Variants in ERP27 observed in about 807,000 individuals in gnomAD.
The protein encoded by ERP27 is endoplasmic reticulum resident protein 27.
Under a neutral mutation model 27.7 loss-of-function variants are expected in ERP27, and 23 were observed. The ratio of observed to expected loss-of-function variants is 0.83; its 90% CI spans 0.60 to 1.18. The LOEUF (loss-of-function observed/expected upper bound fraction) is 1.18. ERP27 is among the 50% of genes most tolerant of loss of function. The pLI is 0.00. For missense variants in ERP27, 363 were observed against 327.9 expected (o/e 1.11, Z -0.83); for synonymous variants, 159 against 118.3 (o/e 1.34, Z -2.23).
intron 4 of ERP27, among the ~76,000 whole-genome samples, chr12:14,919,384 C>T (rs564752284): frequency 6.6e-6 from 1 of 152,100 alleles, no homozygotes; most frequent in Non-Finnish European, 1.5e-5. Flanking sequence ...AGTGCATGCC[C>T]CTGCCTTAGC....
At chr12:14,921,105 A>G in intron 3 of ERP27, 57 bp from the exon 4 acceptor site, 1 of 1,429,294 alleles carries the variant, frequency 7.0e-7, no homozygotes, top group South Asian at 1.2e-5. Flanking sequence ...ATGTATTGAT[A>G]AACGTCTTTA....
At chr12:14,935,047 A>G (rs991749302) in intron 2 of ERP27, 54 bp from the exon 3 acceptor site, 254 of 1,579,128 alleles carry the variant, frequency 1.6e-4, no homozygotes, top group Non-Finnish European at 3.4e-5. Context: ...GGGCAGAGAC[A>G]AACGATAGGC....
chr12:14,917,762 AGTTG>A (rs1173196841), intron 4 of ERP27, among the ~76,000 whole-genome samples: 1 of 152,188 alleles, frequency 6.6e-6, no homozygotes, highest in Admixed American at 6.5e-5. Flanking sequence ...CCCCAGCTCC[AGTTG>A]AGCCTTCAGA....
rs753122652 is a variant in ERP27 at position 14,915,566 on chromosome 12, C to A, written c.697G>T (p.Asp233Tyr). The change falls in exon 6 of 7, where the codon GAT becomes TAT. Residue 233 changes from aspartate (D) to tyrosine (Y), a missense_variant. Asp to Tyr is a radical substitution (Grantham distance 160). Transcript: ENST00000266397. ...GAAACTTCTGCTGTGGGCAGTGTAT[C>A]CCACTCGTCATCTAGAGTCTGGTAA... ...AIYQTLDDEW[D>Y]TLPTAEVSVE... 1 of 1,614,196 alleles carries A rather than the reference C, an allele frequency of 6.2e-7. No individual in the cohort carries two copies. The highest frequency in any genetic ancestry group is 8.5e-7 in the Non-Finnish European group (1 of 1,180,026).
chr12:14,925,927 G>A (rs2120587029), intron 3 of ERP27, among the ~76,000 whole-genome samples: 1 of 151,994 alleles, frequency 6.6e-6, no homozygotes, highest in South Asian at 2.1e-4. Flanking sequence ...AAATTAGCCG[G>A]GCATGGTGGC....
intron 5 of ERP27, among the ~76,000 whole-genome samples, chr12:14,916,703 A>T (rs1011856716): frequency 6.6e-6 from 1 of 152,188 alleles, no homozygotes; most frequent in Non-Finnish European, 1.5e-5. Flanking sequence ...GCCTTGAAGT[A>T]GTTGAAGTTT....
intron 5 of ERP27, 71 bp from the exon 6 acceptor site, chr12:14,915,757 A>C: frequency 7.3e-7 from 1 of 1,368,166 alleles, no homozygotes; most frequent in East Asian, 2.3e-5. Flanking sequence ...GATACCTTGT[A>C]ATTGTTGCAG....
rs1473355565 is a variant in ERP27, at chr12:14,934,914, T to A, written c.275A>T (p.Asp92Val). 2 of 1,614,004 alleles carry A rather than the reference T, an allele frequency of 1.2e-6. No individual in the cohort carries two copies. The highest frequency in any genetic ancestry group is 1.7e-6 in the Non-Finnish European group (2 of 1,180,014). Residue 92 changes from aspartate (D) to valine (V), a missense_variant, in exon 3 of 7, where the codon GAT (aspartate) becomes GTT (valine). Coordinates refer to ENST00000266397, the MANE Select transcript of ERP27 (RefSeq NM_152321.4). ...FPGVSFGIST[D>V]SEVLTHYNIT... Reference sequence around the variant, plus strand: ...GTTGTAGTGTGTCAGAACCTCAGAATCAGTGCTGATCCCAAATGACACGCC... The same window carrying A: ...GTTGTAGTGTGTCAGAACCTCAGAAACAGTGCTGATCCCAAATGACACGCC...
chr12:14,938,144 A>T, intron 1 of ERP27, 92 bp from the exon 2 acceptor site: 1 of 1,056,338 alleles, frequency 9.5e-7, no homozygotes, highest in East Asian at 2.4e-5. Flanking sequence ...CTCTATACTA[A>T]GGGCAAGAAG....
At chr12:14,929,181 C>A in intron 3 of ERP27, 1 of 1,336,322 alleles carries the variant, frequency 7.5e-7, no homozygotes, top group South Asian at 2.1e-5. Context: ...CTTCATACTT[C>A]CCAGAACAGG....
At position 14,934,441 on chromosome 12, in the gene ERP27, A is replaced by G. The variant is rs77560180; in HGVS notation, c.333+415T>C. ...ATTATCGGTATCTTGCATAGGGCATACAGGAAGTATTTAATAAATGTTTGA... is the reference window on the plus strand; with the variant it reads ...ATTATCGGTATCTTGCATAGGGCATGCAGGAAGTATTTAATAAATGTTTGA... On this transcript the variant is annotated intron_variant, in intron 3 of 6. Coordinates refer to ENST00000266397, the MANE Select transcript of ERP27 (RefSeq NM_152321.4). 2.5e-3 allele frequency among the ~76,000 whole-genome samples: 382 copies of G among 152,332 alleles called. 12 individuals carry two copies. In the East Asian group the frequency reaches 0.062, roughly 25 times the overall value.
intron 6 of ERP27, 44 bp from the exon 7 acceptor site, chr12:14,914,826 C>T (rs1182457672): frequency 3.4e-6 from 5 of 1,463,114 alleles, no homozygotes; most frequent in South Asian, 2.3e-5. Flanking sequence ...GTAAACTGAG[C>T]TGTTTACTCC....
At position 14,915,636 on chromosome 12, in the gene ERP27, T is replaced by G. The variant is rs1275127645; in HGVS notation, c.627A>C (p.Ile209=). ...DSGMKENGKV[I]SFFKLKESQL... ...GAGACTCCTTTAGTTTGAAAAATGA[T>G]ATCACCTTCCCATTTTCTTTCATAC... The change falls in exon 6 of 7, where the codon ATA becomes ATC. Residue 209 remains isoleucine (I), a synonymous_variant. Coordinates refer to ENST00000266397, the MANE Select transcript of ERP27 (RefSeq NM_152321.4). 2 of 1,614,204 alleles carry G rather than the reference T, an allele frequency of 1.2e-6. No individual in the cohort carries two copies. The highest frequency in any genetic ancestry group is 2.2e-5 in the South Asian group (2 of 91,078).
At chr12:14,918,024 T>C (rs1863441125) in intron 4 of ERP27, among the ~76,000 whole-genome samples, 1 of 152,230 alleles carries the variant, frequency 6.6e-6, no homozygotes, top group African/African-American at 2.4e-5. Flanking sequence ...ACACTTAAAA[T>C]GTAGTCTTTG....
intron 2 of ERP27, among the ~76,000 whole-genome samples, 200 bp downstream of exon 2, chr12:14,937,752 A>G (rs1411945087): frequency 6.6e-6 from 1 of 152,246 alleles, no homozygotes; most frequent in African/African-American, 2.4e-5. Flanking sequence ...TGAAGTAAGT[A>G]TGAGAAAGAT....
At chr12:14,938,073 T>A in intron 1 of ERP27, 21 bp from the exon 2 acceptor site, 1 of 1,599,334 alleles carries the variant, frequency 6.3e-7, no homozygotes, top group Non-Finnish European at 8.6e-7. Context: ...AAGCAGAAGA[T>A]GTCAGGGTAC....
At chr12:14,925,497 C>G (rs1367368575) in intron 3 of ERP27, among the ~76,000 whole-genome samples, 3 of 152,082 alleles carry the variant, frequency 2.0e-5, no homozygotes, top group Admixed American at 2.0e-4. Flanking sequence ...TCATTCAGTT[C>G]AAAATGTTTC....
At chr12:14,921,916 A>T (rs1183156443) in intron 3 of ERP27, among the ~76,000 whole-genome samples, 1 of 152,202 alleles carries the variant, frequency 6.6e-6, no homozygotes, top group Admixed American at 6.5e-5. Flanking sequence ...TTCACATTAA[A>T]TACATGTAAA....
intron 3 of ERP27, among the ~76,000 whole-genome samples, chr12:14,922,537 T>TA (rs1863521052): frequency 6.6e-6 from 1 of 152,192 alleles, no homozygotes; most frequent in Non-Finnish European, 1.5e-5. Flanking sequence ...TTGTTGGTTC[T>TA]ATAATATATA....
Sources: allele counts gnomAD v4.1 joint callset (sites outside exome capture counted in the v4.1 genomes callset), GRCh38; gene constraint gnomAD v4.1.1; transcripts MANE v1.5; gene names NCBI Gene and HGNC (gene_info 2026-07-23, HGNC 2026-07-21).